The following PITPNM3 variants were observed in gnomAD, a reference collection of about 807,000 sequenced individuals.
PITPNM3 encodes PITPNM family member 3.
In PITPNM3, 26 loss-of-function variants were observed where a neutral mutation model predicts 102.0. The observed-to-expected ratio is 0.25, with a 90% CI of 0.19 to 0.35. The LOEUF (loss-of-function observed/expected upper bound fraction) is 0.35. Ranked by LOEUF, PITPNM3 falls within the 10% of genes least tolerant of loss-of-function variation. The probability of loss-of-function intolerance (pLI) is 1.00; values close to 1 mark genes in which losing one functional copy is unlikely to be tolerated. For synonymous variants in PITPNM3, 578 were observed against 558.6 expected, an observed-to-expected ratio of 1.03 and a Z score of -0.49; for missense variants, 1,083 against 1,346.1, an observed-to-expected ratio of 0.80 and a Z score of 3.06.
At chr17:6,488,747 G>C (rs1456214137) in intron 4 of PITPNM3, among the ~76,000 whole-genome samples, 1 of 152,174 alleles carries the variant, frequency 6.6e-6, no homozygotes, top group Non-Finnish European at 1.5e-5. Context: ...CTGGTGACAA[G>C]AGCAGCTGGC....
At position 6,461,426 on chromosome 17, in the gene PITPNM3, C is replaced by T. The variant is rs775004695; in HGVS notation, c.2437G>A (p.Val813Met). The change falls in exon 18 of 20, where the codon GTG becomes ATG. Residue 813 changes from valine (V) to methionine (M), a missense_variant. Val to Met is a conservative substitution (Grantham distance 21, BLOSUM62 1). This residue lies in a region of PITPNM3 where 410 missense variants were observed against 638.4 expected (regional missense o/e 0.64). Coordinates refer to ENST00000262483, the MANE Select transcript of PITPNM3 (RefSeq NM_031220.4). ...GCCTTCTGCCGCAGCGGGTCATGCA[C>T]CAGCCCATCGGAGAAGAAGATCATG... ...QGMIFFSDGL[V>M]HDPLRQKAIF... 6.2e-7 allele frequency: 1 copy of T among 1,614,158 alleles called. No homozygotes were observed. The highest frequency in any genetic ancestry group is 8.5e-7 in the Non-Finnish European group (1 of 1,180,038).
At position 6,470,511 on chromosome 17, in the gene PITPNM3, T is replaced by C; in HGVS notation, c.1625-103A>G. On this transcript the variant is annotated intron_variant, in intron 12 of 19. Transcript: ENST00000262483. This position sits in a 1 kb window ranked among gnomAD's most constrained non-coding sequence, Gnocchi z 4.8. ...ACAGACTGGTGGTGGATGCCCCACG[T>C]GGGGCACGGGTTTGGGCGGGAGCAC... 9 of 1,516,796 alleles carry C rather than the reference T, an allele frequency of 5.9e-6. No homozygotes were observed. Among genetic ancestry groups the C allele is most frequent in the Non-Finnish European group, 8.2e-6 (9 of 1,099,296 alleles). The allele number at this position is 1,516,796 out of a possible 1,614,324, so 94.0% of individuals were successfully genotyped here.
At chr17:6,545,395 C>T (rs925872869) in intron 1 of PITPNM3, among the ~76,000 whole-genome samples, 2 of 152,234 alleles carry the variant, frequency 1.3e-5, no homozygotes, top group Middle Eastern at 3.4e-3. Context: ...ATGGGAGCCT[C>T]GCCACTCCCC....
At chr17:6,530,702 C>T (rs1909096936) in intron 2 of PITPNM3, among the ~76,000 whole-genome samples, 1 of 152,222 alleles carries the variant, frequency 6.6e-6, no homozygotes. Flanking sequence ...ACCACCACCA[C>T]CATACCCAGC....
At chr17:6,528,476 A>G (rs1205859852) in intron 2 of PITPNM3, among the ~76,000 whole-genome samples, 9 of 151,736 alleles carry the variant, frequency 5.9e-5, no homozygotes, top group Non-Finnish European at 2.9e-5. Flanking sequence ...GTGTGTGTGC[A>G]TGCATGTGTG....
At chr17:6,508,738 C>T (rs1052249576) in intron 3 of PITPNM3, among the ~76,000 whole-genome samples, 2 of 152,148 alleles carry the variant, frequency 1.3e-5, no homozygotes, top group Admixed American at 1.3e-4. Context: ...GTTCCCAGGG[C>T]TGGTGAGGCC....
chr17:6,542,728 G>C (rs1026554541), intron 1 of PITPNM3, among the ~76,000 whole-genome samples: 1 of 152,000 alleles, frequency 6.6e-6, no homozygotes, highest in Non-Finnish European at 1.5e-5. Context: ...TCAGCGACAG[G>C]ACCAAGGATT....
At chr17:6,511,094 G>C (rs537389529) in intron 3 of PITPNM3, among the ~76,000 whole-genome samples, 1 of 152,312 alleles carries the variant, frequency 6.6e-6, no homozygotes, top group Non-Finnish European at 1.5e-5. Flanking sequence ...AGCTCTCCCA[G>C]GGCTGTTTGA....
In PITPNM3 at chr17:6,472,577, C is replaced by G. The variant is rs1251231628; in HGVS notation, c.1429+80G>C. ...CCCTGCTCAGGTGAGTCACCCTACT[C>G]ACTGAGAGCTTGGAGGGGTTGAATG... On this transcript the variant is annotated intron_variant, in intron 11 of 19. Transcript: ENST00000262483. This position sits in a 1 kb window ranked among gnomAD's most constrained non-coding sequence, Gnocchi z 4.1. The G allele has an allele frequency of 2.0e-6, 3 of 1,514,718 alleles. No individual in the cohort carries two copies. The highest frequency in any genetic ancestry group is 4.9e-5 in the East Asian group (2 of 41,182). 93.8% of individuals were successfully genotyped at this position (1,514,718 alleles called of 1,614,324 possible).
chr17:6,548,727 T>G (rs1392455842), intron 1 of PITPNM3, among the ~76,000 whole-genome samples: 3 of 151,926 alleles, frequency 2.0e-5, no homozygotes, highest in African/African-American at 7.2e-5. Context: ...CACCTAGGTC[T>G]CTCCCCAAGG....
intron 3 of PITPNM3, among the ~76,000 whole-genome samples, chr17:6,515,397 C>CAAAAAAAAAAAAAAAAAAAAA (rs61420968): frequency 1.2e-5 from 1 of 82,222 alleles, no homozygotes; most frequent in African/African-American, 4.4e-5. Context: ...GACTCCATCT[C>CAAAAAAAAAAAAAAAAAAAAA]AAAAAAAAAA....
rs1440710733 is a variant in PITPNM3, at chr17:6,556,352, C to T, written c.22+33G>A. The T allele has an allele frequency of 5.7e-6, 8 of 1,399,722 alleles. No individual in the cohort carries two copies. The Admixed American group carries it at 1.5e-4, about 27-fold the overall frequency. The allele number at this position is 1,399,722 out of a possible 1,614,324, so 86.7% of individuals were successfully genotyped here. A position where few individuals can be genotyped will look rare whatever the true frequency, so the allele number is the denominator to read the frequency against. ...TAGACGCGCGAGTCCCTCCCCCGGG[C>T]CCCGGCCCTGCCCTCCCCGCGCCCG... On this transcript the variant is annotated intron_variant, in intron 1 of 19. Transcript: ENST00000262483. The surrounding 1 kb of genome is among the most constrained non-coding windows in gnomAD (Gnocchi z 5.2).
chr17:6,504,135 C>T (rs563329115), intron 3 of PITPNM3, among the ~76,000 whole-genome samples: 1 of 152,338 alleles, frequency 6.6e-6, no homozygotes, highest in African/African-American at 2.4e-5. Context: ...CCCCAGGTCT[C>T]TGAGGAAGGT....
intron 1 of PITPNM3, among the ~76,000 whole-genome samples, chr17:6,545,731 C>T (rs1282098333): frequency 2.9e-5 from 4 of 139,122 alleles, no homozygotes; most frequent in Non-Finnish European, 6.5e-5. Flanking sequence ...CTTTCTTGGC[C>T]CCTGAGGCCA....
chr17:6,544,654 T>TCTCTCTCTCTCTCACA lies in PITPNM3; in HGVS notation c.23-6573_23-6572insTGTGAGAGAGAGAGAG, dbSNP rs376230474. The stretch of plus-strand genomic sequence containing the variant: ...CTCTCTCTCTCTCTCTCTCTCTCTC[T>TCTCTCTCTCTCTCACA]CACACACACACACACACACACACAA... On this transcript the variant is annotated intron_variant, in intron 1 of 19. Transcript: ENST00000262483. Among the ~76,000 whole-genome samples, 728 of 130,232 alleles carry TCTCTCTCTCTCTCACA rather than the reference T, an allele frequency of 5.6e-3. 8 individuals carry two copies. The highest frequency in any genetic ancestry group is 0.021 in the African/African-American group (671 of 32,492). 85.4% of individuals were successfully genotyped at this position (130,232 alleles called of 152,430 possible).
intron 1 of PITPNM3, among the ~76,000 whole-genome samples, chr17:6,541,590 C>T (rs568939090): frequency 1.3e-5 from 2 of 152,048 alleles, no homozygotes; most frequent in African/African-American, 4.8e-5. Context: ...CCTCTATCAC[C>T]TGCAAACTTC....
chr17:6,507,722 G>A (rs561236305), intron 3 of PITPNM3, among the ~76,000 whole-genome samples: 12 of 152,222 alleles, frequency 7.9e-5, no homozygotes, highest in African/African-American at 2.4e-4. Flanking sequence ...GGCATTTCTC[G>A]GGCATCTACT....
In PITPNM3 at chr17:6,455,530, G is replaced by C; in HGVS notation, c.2733C>G (p.His911Gln). Residue 911 changes from histidine (H) to glutamine (Q), a missense_variant, in exon 20 of 20, where the codon CAC becomes CAG. His to Gln is a conservative substitution (Grantham distance 24). Transcript: ENST00000262483. ...GCTTCCGCAGGAACTCTGGCTGCGCGTGCAGCCCGAAGCTGCCCTTGCGCA... is the reference window on the plus strand; with the variant it reads ...GCTTCCGCAGGAACTCTGGCTGCGCCTGCAGCCCGAAGCTGCCCTTGCGCA... The part of the protein sequence containing the change: ...MILRKGSFGL[H>Q]AQPEFLRKRN... The C allele has an allele frequency of 6.2e-7, 1 of 1,605,034 alleles. No homozygotes were observed. Among genetic ancestry groups the C allele is most frequent in the African/African-American group, 1.3e-5 (1 of 74,656 alleles).
chr17:6,508,657 C>CTT (rs1326020596), intron 3 of PITPNM3, among the ~76,000 whole-genome samples: 1 of 152,186 alleles, frequency 6.6e-6, no homozygotes, highest in African/African-American at 2.4e-5. Context: ...CGTCCAGAGG[C>CTT]TTGGGGACTG....
Sources: allele counts gnomAD v4.1 joint callset (sites outside exome capture counted in the v4.1 genomes callset), GRCh38; gene constraint gnomAD v4.1.1; regional missense constraint gnomAD v4.1.1; non-coding constraint Gnocchi (gnomAD v3.1); transcripts MANE v1.5; gene names NCBI Gene and HGNC (gene_info 2026-07-23, HGNC 2026-07-21).